BICC1: variants seen among roughly 807,000 people sequenced by gnomAD.
BICC1 encodes the protein protein bicaudal C homolog 1.
BICC1 carries 43 observed loss-of-function variants against 111.0 expected under a neutral mutation model. The ratio of observed to expected loss-of-function variants is 0.39; its 90% CI spans 0.30 to 0.50. The LOEUF (loss-of-function observed/expected upper bound fraction) is 0.50, where lower values mean the gene tolerates loss of function less well. Among genes scored for constraint, BICC1 ranks in the 20% least tolerant of loss-of-function variants. The pLI, the probability that BICC1 is intolerant of heterozygous loss-of-function variation, is 0.88. For synonymous variants in BICC1, 467 were observed against 434.4 expected (o/e 1.07, Z -0.93); for missense variants, 1,091 against 1,203.2 (o/e 0.91, Z 1.38).
chr10:58,772,029 G>A (rs1017755884), intron 3 of BICC1, among the ~76,000 whole-genome samples: 4 of 152,142 alleles, frequency 2.6e-5, no homozygotes, highest in African/African-American at 9.7e-5. Context: ...TCATTTACTG[G>A]CTTGGATCAT....
intron 2 of BICC1, among the ~76,000 whole-genome samples, chr10:58,638,730 G>A (rs185484619): frequency 4.9e-4 from 74 of 152,300 alleles, no homozygotes; most frequent in African/African-American, 1.7e-3. Flanking sequence ...TGAGGAGAAA[G>A]CAGGCAGAGA....
chr10:58,684,988 C>G (rs1410522513), intron 2 of BICC1, among the ~76,000 whole-genome samples: 1 of 152,184 alleles, frequency 6.6e-6, no homozygotes, highest in African/African-American at 2.4e-5. Flanking sequence ...ATCTTTCCTG[C>G]TTTCTCTTGT....
rs1378313261 is a variant in BICC1 at position 58,813,936 on chromosome 10, G to C, written c.2483G>C (p.Ser828Thr). ...DRNGIGPGSH[S>T]EFAASIGSPK... ...AATGGAATTGGACCTGGAAGTCATA[G>C]TGAATTTGCAGCTTCTATTGGCAGC... The change falls in exon 18 of 21, where the codon AGT becomes ACT. Residue 828 changes from serine to threonine, a missense_variant. Ser to Thr is a moderately conservative substitution (Grantham distance 58). Transcript: ENST00000373886. The C allele has an allele frequency of 6.2e-7, 1 of 1,614,036 alleles. No individual in the cohort carries two copies. The highest frequency in any genetic ancestry group is 2.2e-5 in the East Asian group (1 of 44,854).
chr10:58,747,907 A>G (rs1455464085), intron 3 of BICC1, among the ~76,000 whole-genome samples: 1 of 152,148 alleles, frequency 6.6e-6, no homozygotes, highest in East Asian at 1.9e-4. Context: ...TCATTTACAT[A>G]TGGTCTTTGT....
intron 3 of BICC1, among the ~76,000 whole-genome samples, chr10:58,781,188 G>A (rs1032285695): frequency 6.6e-5 from 10 of 152,118 alleles, no homozygotes; most frequent in Non-Finnish European, 1.3e-4. Flanking sequence ...CAGTTTTTTT[G>A]TATTTTTAAA....
At chr10:58,630,089 C>T (rs1485546052) in intron 2 of BICC1, among the ~76,000 whole-genome samples, 2 of 152,080 alleles carry the variant, frequency 1.3e-5, no homozygotes, top group Non-Finnish European at 2.9e-5. Flanking sequence ...AACAAACCTT[C>T]TCTATACAGT....
At chr10:58,780,179 G>T (rs1165517717) in intron 3 of BICC1, among the ~76,000 whole-genome samples, 1 of 152,150 alleles carries the variant, frequency 6.6e-6, no homozygotes, top group African/African-American at 2.4e-5. Context: ...CACGCCAGGG[G>T]AAAGTAAATT....
At chr10:58,537,324 A>G (rs1435298497) in intron 1 of BICC1, among the ~76,000 whole-genome samples, 2 of 146,988 alleles carry the variant, frequency 1.4e-5, no homozygotes, top group East Asian at 4.0e-4. Context: ...TCAACAAAAT[A>G]CTAGAAATGG....
intron 1 of BICC1, among the ~76,000 whole-genome samples, chr10:58,561,463 G>A (rs912025065): frequency 1.3e-5 from 2 of 151,748 alleles, no homozygotes; most frequent in Non-Finnish European, 2.9e-5. Flanking sequence ...TTTCTTATAT[G>A]CATATAACTG....
At chr10:58,790,153 T>C (rs1201140622) in intron 8 of BICC1, among the ~76,000 whole-genome samples, 1 of 152,210 alleles carries the variant, frequency 6.6e-6, no homozygotes, top group Non-Finnish European at 1.5e-5. Context: ...ATTTCAGTGT[T>C]TTCTTTTTAA....
intron 18 of BICC1, among the ~76,000 whole-genome samples, chr10:58,816,139 T>A (rs1042205677): frequency 6.6e-6 from 1 of 152,208 alleles, no homozygotes; most frequent in Non-Finnish European, 1.5e-5. Context: ...AATCTATCAT[T>A]TGGACCATAA....
Position 58,829,188 on chromosome 10 carries a change from ATGATT to A in BICC1, c.*299_*303del. On this transcript the variant is annotated 3_prime_UTR_variant, in exon 21 of 21. Transcript: ENST00000373886. Reference sequence around the variant, plus strand: ...ATTTACCTATATAACATATGCACTGATGATTTTTTTTTTTTTTTTTTTTTTTTTTT... The same window carrying A: ...ATTTACCTATATAACATATGCACTGATTTTTTTTTTTTTTTTTTTTTTTTT... 9.5e-6 allele frequency: 1 copy of A among 105,546 alleles called. No homozygotes were observed. The allele number at this position is 105,546 out of a possible 1,614,324, so 6.5% of individuals were successfully genotyped here. A position where few individuals can be genotyped will look rare whatever the true frequency, so the allele number is the denominator to read the frequency against.
intron 1 of BICC1, among the ~76,000 whole-genome samples, chr10:58,531,316 C>A (rs1407505791): frequency 1.3e-5 from 2 of 151,714 alleles, no homozygotes; most frequent in Non-Finnish European, 2.9e-5. Flanking sequence ...ACTGTAGACT[C>A]CTGAAAAAGA....
chr10:58,769,771 CTTTACTACCTGTACCTTA>C (rs1437562130), intron 3 of BICC1, among the ~76,000 whole-genome samples: 2 of 151,860 alleles, frequency 1.3e-5, no homozygotes, highest in Non-Finnish European at 2.9e-5. Context: ...ATATAGTGTA[CTTTACTACCTGTACCTTA>C]TTTATATTTT....
chr10:58,611,660 T>A, intron 1 of BICC1, among the ~76,000 whole-genome samples: 1 of 151,656 alleles, frequency 6.6e-6, no homozygotes, highest in East Asian at 1.9e-4. Flanking sequence ...TATTATTATT[T>A]TGTATTTTTA....
At chr10:58,587,010 G>A (rs1289168658) in intron 1 of BICC1, among the ~76,000 whole-genome samples, 1 of 152,116 alleles carries the variant, frequency 6.6e-6, no homozygotes, top group Non-Finnish European at 1.5e-5. Context: ...CCTGTGCTGA[G>A]GATAAGAATG....
chr10:58,571,931 A>G (rs778768856), intron 1 of BICC1, among the ~76,000 whole-genome samples: 1 of 152,170 alleles, frequency 6.6e-6, no homozygotes, highest in Non-Finnish European at 1.5e-5. Context: ...ACAATGGTTG[A>G]ACTAATTTGT....
At chr10:58,532,026 C>T (rs1433868071) in intron 1 of BICC1, among the ~76,000 whole-genome samples, 2 of 151,642 alleles carry the variant, frequency 1.3e-5, no homozygotes, top group South Asian at 2.1e-4. Context: ...CTACAATAGC[C>T]AAAACCTTCC....
chr10:58,796,563 G>A (rs746457847), intron 10 of BICC1, 37 bp downstream of exon 10: 2 of 1,559,154 alleles, frequency 1.3e-6, no homozygotes, highest in Non-Finnish European at 1.7e-6. Context: ...CTCAGTCACT[G>A]GGGAAATGCT....
Sources: gnomAD v4.1 joint callset for allele counts (sites outside exome capture counted in the v4.1 genomes callset) on GRCh38, gnomAD v4.1.1 for gene constraint, MANE v1.5 for transcripts, NCBI Gene and HGNC (gene_info 2026-07-23, HGNC 2026-07-21) for gene names.